CRB1: variants seen among roughly 807,000 people sequenced by gnomAD.
The protein encoded by CRB1 is crumbs cell polarity complex component 1.
Under a neutral mutation model 120.0 loss-of-function variants are expected in CRB1, and 83 were observed. The observed-to-expected ratio is 0.69, with a 90% CI of 0.58 to 0.83. The LOEUF (loss-of-function observed/expected upper bound fraction) is 0.83, where lower values mean the gene tolerates loss of function less well. CRB1 is among the 40% of genes least tolerant of loss of function. The probability of loss-of-function intolerance (pLI) is 0.00; values close to 1 mark genes in which losing one functional copy is unlikely to be tolerated. For synonymous variants in CRB1, 625 were observed against 612.5 expected (o/e 1.02, Z -0.30); for missense variants, 1,699 against 1,687.6 (o/e 1.01, Z -0.12).
chr1:197,367,963 C>T (rs1050408619), intron 5 of CRB1, among the ~76,000 whole-genome samples: 5 of 152,172 alleles, frequency 3.3e-5, no homozygotes, highest in East Asian at 1.9e-4. Context: ...CAAGTTCATC[C>T]GCTTCAAGCA....
In CRB1 at chr1:197,427,608, A is replaced by G. The variant is rs778507836; in HGVS notation, c.2283A>G (p.Gln761=). The change falls in exon 7 of 12, where the codon CAA becomes CAG. Residue 761 remains glutamine (Q), a synonymous_variant. Coordinates refer to ENST00000367400, the MANE Select transcript of CRB1 (RefSeq NM_201253.3). ...TAGCTTTGGAAAACAGCACTTATCA[A>G]TATATCCGTGTCTGGCTAGAGCGCG... ...LLLALENSTY[Q]YIRVWLERGR... The G allele has an allele frequency of 6.2e-7, 1 of 1,614,010 alleles. No homozygotes were observed. The highest frequency in any genetic ancestry group is 8.5e-7 in the Non-Finnish European group (1 of 1,179,988).
intron 1 of CRB1, among the ~76,000 whole-genome samples, chr1:197,279,031 T>C (rs1655377184): frequency 6.6e-6 from 1 of 151,950 alleles, no homozygotes; most frequent in Non-Finnish European, 1.5e-5. Flanking sequence ...AAAACTAGTC[T>C]TGTGTATGAA....
intron 5 of CRB1, among the ~76,000 whole-genome samples, chr1:197,359,036 A>C (rs1252964177): frequency 1.3e-5 from 2 of 152,228 alleles, no homozygotes; most frequent in Non-Finnish European, 2.9e-5. Flanking sequence ...TTGTTTTTAA[A>C]TAACTTTTTA....
chr1:197,387,377 AC>A (rs1662270181), intron 5 of CRB1, among the ~76,000 whole-genome samples: 1 of 152,010 alleles, frequency 6.6e-6, no homozygotes, highest in South Asian at 2.1e-4. Flanking sequence ...ATTCTTTTGG[AC>A]ACTGTTTGTA....
At chr1:197,442,792 C>T (rs999116856) in intron 11 of CRB1, 4 of 227,510 alleles carry the variant, frequency 1.8e-5, no homozygotes, top group Middle Eastern at 1.9e-3. Flanking sequence ...ATTTTCATTT[C>T]TGTTCTTTCA....
intron 8 of CRB1, among the ~76,000 whole-genome samples, chr1:197,433,711 G>A (rs1050854614): frequency 6.6e-6 from 1 of 152,018 alleles, no homozygotes; most frequent in Non-Finnish European, 1.5e-5. Flanking sequence ...ACAACAAAAT[G>A]GAAGGGGAAA....
Position 197,416,247 on chromosome 1 carries a change from C to T in CRB1, c.1172-4753C>T, listed in dbSNP as rs1663993673. On this transcript the variant is annotated intron_variant, in intron 5 of 11. Coordinates refer to ENST00000367400, the MANE Select transcript of CRB1 (RefSeq NM_201253.3). ...CAATATTTTATACATGATATGTAAT[C>T]AATATTTATTGATTTGACTTAAATT... Among the ~76,000 whole-genome samples the T allele has an allele frequency of 2.6e-5, 4 of 152,078 alleles. No individual in the cohort carries two copies. The South Asian group carries it at 8.3e-4, about 32-fold the overall frequency.
intron 1 of CRB1, among the ~76,000 whole-genome samples, chr1:197,326,439 C>T (rs1314530931): frequency 1.3e-5 from 2 of 151,740 alleles, no homozygotes; most frequent in African/African-American, 4.8e-5. Flanking sequence ...ACCACCCTGG[C>T]GGCAACATGG....
chr1:197,277,469 G>A (rs1264861887), intron 1 of CRB1, among the ~76,000 whole-genome samples: 1 of 151,984 alleles, frequency 6.6e-6, no homozygotes, highest in Admixed American at 6.6e-5. Flanking sequence ...TGTACAACAA[G>A]CAATTATGTC....
Position 197,344,434 on chromosome 1 carries a change from A to G in CRB1, c.806A>G (p.Gln269Arg). The G allele has an allele frequency of 2.5e-6, 4 of 1,614,084 alleles. No individual in the cohort carries two copies. The highest frequency in any genetic ancestry group is 3.4e-6 in the Non-Finnish European group (4 of 1,180,004). ...CELNTDECAS[Q>R]PCLHGGLCVD... ...CTCAACACTGATGAGTGTGCCAGTC[A>G]ACCTTGTCTCCATGGAGGGCTGTGT... is the stretch of plus-strand genomic sequence containing the variant. Residue 269 changes from glutamine to arginine, a missense_variant, in exon 3 of 12, where the codon CAA becomes CGA. Transcript: ENST00000367400.
chr1:197,224,693 A>T, the CRB1 span, among the ~76,000 whole-genome samples: 1 of 152,104 alleles, frequency 6.6e-6, no homozygotes, highest in Non-Finnish European at 1.5e-5. Context: ...CTGCAAAAAT[A>T]TATACTAATA....
intron 11 of CRB1, 131 bp downstream of exon 11, chr1:197,442,423 C>G: frequency 6.3e-7 from 1 of 1,593,202 alleles, no homozygotes; most frequent in Non-Finnish European, 8.5e-7. Flanking sequence ...TATTAACATA[C>G]ATTTGAACAT....
intron 1 of CRB1, among the ~76,000 whole-genome samples, chr1:197,270,336 C>A (rs982790673): frequency 1.3e-5 from 2 of 152,098 alleles, no homozygotes; most frequent in African/African-American, 4.8e-5. Flanking sequence ...AGTCACTATA[C>A]CAGTGTACCT....
At chr1:197,239,659 T>C in the CRB1 span, among the ~76,000 whole-genome samples, 10 of 151,936 alleles carry the variant, frequency 6.6e-5, no homozygotes, top group African/African-American at 2.4e-4. Context: ...TTAATTGACA[T>C]ATTTTACCCA....
intron 5 of CRB1, among the ~76,000 whole-genome samples, chr1:197,401,436 A>C (rs1415324114): frequency 6.6e-6 from 1 of 152,156 alleles, no homozygotes; most frequent in African/African-American, 2.4e-5. Context: ...GTTTTAAATA[A>C]AATTTCATCT....
chr1:197,226,203 C>T, the CRB1 span, among the ~76,000 whole-genome samples: 3 of 152,172 alleles, frequency 2.0e-5, no homozygotes, highest in Non-Finnish European at 4.4e-5. Flanking sequence ...GCCACTGCAC[C>T]CAATTGATGT....
intron 1 of CRB1, among the ~76,000 whole-genome samples, chr1:197,273,034 G>A (rs1405922904): frequency 6.6e-6 from 1 of 152,094 alleles, no homozygotes; most frequent in East Asian, 1.9e-4. Context: ...AGTAGTTTAT[G>A]TACATTTCCT....
chr1:197,258,471 G>A, the CRB1 span, among the ~76,000 whole-genome samples: 2 of 152,128 alleles, frequency 1.3e-5, no homozygotes, highest in Non-Finnish European at 2.9e-5. Flanking sequence ...TTGTCCCAAT[G>A]TTCCATTGAT....
At chr1:197,384,300 G>A (rs1662104623) in intron 5 of CRB1, among the ~76,000 whole-genome samples, 1 of 152,040 alleles carries the variant, frequency 6.6e-6, no homozygotes, top group Non-Finnish European at 1.5e-5. Flanking sequence ...ACCTAAACTT[G>A]GACCACCAGG....
Sources: allele counts gnomAD v4.1 joint callset (sites outside exome capture counted in the v4.1 genomes callset), GRCh38; gene constraint gnomAD v4.1.1; transcripts MANE v1.5; gene names NCBI Gene and HGNC (gene_info 2026-07-23, HGNC 2026-07-21).